ETFA: variants seen among roughly 807,000 people sequenced by gnomAD.
The protein encoded by ETFA is electron transfer flavoprotein subunit alpha, also known as electron transfer flavoprotein subunit alpha, mitochondrial.
In ETFA, 22 loss-of-function variants were observed where a neutral mutation model predicts 46.2. The ratio of observed to expected loss-of-function variants is 0.48; its 90% confidence interval spans 0.34 to 0.68. The LOEUF (loss-of-function observed/expected upper bound fraction) is 0.68. Ranked by LOEUF, ETFA falls within the 30% of genes least tolerant of loss-of-function variation. The probability of loss-of-function intolerance (pLI) is 0.01; values close to 1 mark genes in which losing one functional copy is unlikely to be tolerated. For missense variants in ETFA, 345 were observed against 401.1 expected, an observed-to-expected ratio of 0.86 and a Z score of 1.19; for synonymous variants, 131 against 139.9, an observed-to-expected ratio of 0.94 and a Z score of 0.45.
chr15:76,263,351 A>C (rs778350906), intron 9 of ETFA, among the ~76,000 whole-genome samples: 2 of 152,216 alleles, frequency 1.3e-5, no homozygotes, highest in Non-Finnish European at 2.9e-5. Flanking sequence ...TGGGGCGACA[A>C]AGACCACAGT....
In ETFA at chr15:76,260,035, G is replaced by A. The variant is rs1049722310; in HGVS notation, c.816+14377C>T. On this transcript the variant is annotated intron_variant, in intron 9 of 11. Coordinates refer to ENST00000557943, the MANE Select transcript of ETFA (RefSeq NM_000126.4). ...GAGGAACTCTTCAATGTCACTTGAG[G>A]CAATGAGATCAGCTTTCAGCATCTT... 24 of 1,477,854 alleles carry A rather than the reference G, an allele frequency of 1.6e-5. No homozygotes were observed. The African/African-American group carries it at 3.4e-4, about 21-fold the overall frequency. 91.5% of individuals were successfully genotyped at this position (1,477,854 alleles called of 1,614,324 possible).
At chr15:76,287,077 C>CA (rs1464749072) in intron 5 of ETFA, among the ~76,000 whole-genome samples, 2 of 152,096 alleles carry the variant, frequency 1.3e-5, no homozygotes, top group African/African-American at 2.4e-5. Context: ...TTTAATCAGG[C>CA]AAAAAACGAA....
chr15:76,248,070 A>G (rs564786855), intron 9 of ETFA, among the ~76,000 whole-genome samples: 2 of 152,332 alleles, frequency 1.3e-5, no homozygotes, highest in East Asian at 3.9e-4. Flanking sequence ...ATGAATTCTA[A>G]AACTGTAAAG....
chr15:76,258,682 C>T (rs2039371593), intron 9 of ETFA, among the ~76,000 whole-genome samples: 1 of 152,234 alleles, frequency 6.6e-6, no homozygotes, highest in African/African-American at 2.4e-5. Flanking sequence ...CTGCCATCCA[C>T]ACCCATGGTA....
intron 9 of ETFA, among the ~76,000 whole-genome samples, chr15:76,248,860 C>T (rs1246880870): frequency 1.3e-5 from 2 of 149,410 alleles, no homozygotes; most frequent in Non-Finnish European, 3.0e-5. Flanking sequence ...CTGGGCAACA[C>T]AGTGAGACCC....
At chr15:76,274,599 ACTAGT>A (rs1220650812) in intron 8 of ETFA, 105 bp from the exon 9 acceptor site, 1 of 911,600 alleles carries the variant, frequency 1.1e-6, no homozygotes, top group African/African-American at 1.6e-5. Context: ...AATTCTAAGT[ACTAGT>A]ATATTTTATA....
chr15:76,302,769 G>C (rs903087901), intron 1 of ETFA, among the ~76,000 whole-genome samples: 1 of 152,148 alleles, frequency 6.6e-6, no homozygotes, highest in African/African-American at 2.4e-5. Context: ...GTGGGTGTGT[G>C]GACCAGGAAG....
At chr15:76,287,814 A>G in intron 5 of ETFA, 32 bp downstream of exon 5, 1 of 1,368,266 alleles carries the variant, frequency 7.3e-7, no homozygotes, top group Non-Finnish European at 1.0e-6. Flanking sequence ...AAAATTTAAC[A>G]TGTTGATTAA....
Position 76,285,656 on chromosome 15 carries a change from G to C in ETFA, c.645C>G (p.Ala215=). 1 of 1,602,156 alleles carries C rather than the reference G, an allele frequency of 6.2e-7. No individual in the cohort carries two copies. The highest frequency in any genetic ancestry group is 8.6e-7 in the Non-Finnish European group (1 of 1,169,426). The change falls in exon 7 of 12, where the codon GCC becomes GCG. Residue 215 remains alanine (A), a synonymous_variant. Coordinates refer to ENST00000557943, the MANE Select transcript of ETFA (RefSeq NM_000126.4). ...ACTTACCACCAGATACCACCACTTT[G>C]GCACCTGTTAGCTCTGGTCGATCAC... ...TKSDRPELTG[A]KVVVSGGRGL... is the part of the protein sequence containing the mutation.
At chr15:76,306,613 T>C (rs2039943068) in intron 1 of ETFA, among the ~76,000 whole-genome samples, 1 of 152,156 alleles carries the variant, frequency 6.6e-6, no homozygotes, top group Non-Finnish European at 1.5e-5. Flanking sequence ...GAATAAGCTA[T>C]AAAATCTTTC....
chr15:76,229,377 C>T (rs967590751), intron 10 of ETFA, among the ~76,000 whole-genome samples: 4 of 152,200 alleles, frequency 2.6e-5, no homozygotes, highest in African/African-American at 9.6e-5. Flanking sequence ...AAAGTCTTGG[C>T]TGACCCCCAA....
chr15:76,236,859 T>C (rs2039129007), intron 9 of ETFA, among the ~76,000 whole-genome samples: 1 of 152,228 alleles, frequency 6.6e-6, no homozygotes, highest in East Asian at 1.9e-4. Context: ...CAGTAACTTA[T>C]ATTTAGTTCT....
chr15:76,282,829 A>T lies in ETFA; in HGVS notation c.733+928T>A, dbSNP rs576128122. 1.6e-3 allele frequency among the ~76,000 whole-genome samples: 240 copies of T among 152,068 alleles called. 1 individual carries two copies. The South Asian group carries it at 0.02, about 12-fold the overall frequency. On this transcript the variant is annotated intron_variant, in intron 8 of 11. Transcript: ENST00000557943. Reference sequence around the variant, plus strand: ...AAAATAATCAAATGTCTTTAAAAAGATTTTTTTTCAAAACAGGGTCTCAAT... The same window carrying T: ...AAAATAATCAAATGTCTTTAAAAAGTTTTTTTTTCAAAACAGGGTCTCAAT...
intron 1 of ETFA, among the ~76,000 whole-genome samples, chr15:76,297,988 T>C (rs1596225547): frequency 6.6e-6 from 1 of 152,042 alleles, no homozygotes; most frequent in African/African-American, 2.4e-5. Context: ...ACTTTTAAAA[T>C]GTTATTCTAC....
intron 9 of ETFA, among the ~76,000 whole-genome samples, chr15:76,236,875 C>T (rs1209941694): frequency 6.6e-6 from 1 of 152,152 alleles, no homozygotes; most frequent in African/African-American, 2.4e-5. Flanking sequence ...GTTCTTAAAA[C>T]TCTAGATGGA....
intron 9 of ETFA, among the ~76,000 whole-genome samples, chr15:76,245,642 A>G (rs901498327): frequency 1.3e-5 from 2 of 152,248 alleles, no homozygotes; most frequent in African/African-American, 4.8e-5. Flanking sequence ...ACCATTATGA[A>G]TGGACAGTTG....
chr15:76,285,781 A>T (rs769347017), intron 6 of ETFA, 43 bp from the exon 7 acceptor site: 1 of 1,154,476 alleles, frequency 8.7e-7, no homozygotes, highest in Non-Finnish European at 1.3e-6. Context: ...TATGATTTCA[A>T]GTTCTATAAC....
intron 9 of ETFA, among the ~76,000 whole-genome samples, chr15:76,239,963 T>G (rs1303049303): frequency 6.6e-6 from 1 of 152,176 alleles, no homozygotes; most frequent in Non-Finnish European, 1.5e-5. Flanking sequence ...AAGCCTCTAA[T>G]GCACACCCAC....
intron 11 of ETFA, among the ~76,000 whole-genome samples, chr15:76,219,153 C>T (rs1256444737): frequency 6.6e-6 from 1 of 152,098 alleles, no homozygotes; most frequent in Non-Finnish European, 1.5e-5. Flanking sequence ...GTAGTGACTA[C>T]AGGGGAGAAG....
Sources: gnomAD v4.1 joint callset for allele counts (sites outside exome capture counted in the v4.1 genomes callset) on GRCh38, gnomAD v4.1.1 for gene constraint, MANE v1.5 for transcripts, NCBI Gene and HGNC (gene_info 2026-07-23, HGNC 2026-07-21) for gene names.